EDIL3: variants seen among roughly 807,000 people sequenced by gnomAD.
The protein encoded by EDIL3 is EGF-like repeat and discoidin I-like domain-containing protein 3.
In EDIL3, 37 loss-of-function variants were observed where a neutral mutation model predicts 67.4. The observed-to-expected ratio is 0.55, with a 90% CI of 0.42 to 0.72. The LOEUF (loss-of-function observed/expected upper bound fraction) is 0.72. Ranked by LOEUF, EDIL3 falls within the 30% of genes least tolerant of loss-of-function variation. The probability of loss-of-function intolerance (pLI) is 0.00; values close to 1 mark genes in which losing one functional copy is unlikely to be tolerated. For synonymous variants in EDIL3, 195 were observed against 196.3 expected, an observed-to-expected ratio of 0.99 and a Z score of 0.05; for missense variants, 527 against 586.3, an observed-to-expected ratio of 0.90 and a Z score of 1.04.
At chr5:83,999,243 T>C (rs1561398261) in intron 9 of EDIL3, among the ~76,000 whole-genome samples, 1 of 152,126 alleles carries the variant, frequency 6.6e-6, no homozygotes, top group Non-Finnish European at 1.5e-5. Context: ...CAGAAATCGA[T>C]GAACATCCAC....
chr5:84,268,154 A>G (rs1434040859), intron 1 of EDIL3, among the ~76,000 whole-genome samples: 4 of 152,074 alleles, frequency 2.6e-5, no homozygotes, highest in African/African-American at 9.7e-5. Context: ...TAAATAAATA[A>G]ATAAATAAAT....
At chr5:84,005,011 C>T (rs1580275063) in intron 9 of EDIL3, among the ~76,000 whole-genome samples, 2 of 152,132 alleles carry the variant, frequency 1.3e-5, no homozygotes, top group South Asian at 4.1e-4. Context: ...GATGCCATTA[C>T]AATTGATTCC....
chr5:84,063,822 G>A lies in EDIL3; in HGVS notation c.952+878C>T, dbSNP rs1289395582. On this transcript the variant is annotated intron_variant, in intron 8 of 10. Transcript: ENST00000296591. ...TTACACTAAAAAGCGGAGCACACAC[G>A]CACTTTTAGTTTTCTTCACAGTTAT... Among the ~76,000 whole-genome samples the A allele has an allele frequency of 3.9e-5, 6 of 152,030 alleles. No homozygotes were observed. The East Asian group carries it at 5.8e-4, about 15-fold the overall frequency.
intron 4 of EDIL3, among the ~76,000 whole-genome samples, chr5:84,148,983 A>C (rs1189708567): frequency 6.6e-6 from 1 of 151,816 alleles, no homozygotes; most frequent in Non-Finnish European, 1.5e-5. Flanking sequence ...AAAAAAAAAA[A>C]AAAAAAAACC....
At chr5:84,263,276 T>G (rs1745272733) in intron 1 of EDIL3, among the ~76,000 whole-genome samples, 1 of 152,110 alleles carries the variant, frequency 6.6e-6, no homozygotes, top group African/African-American at 2.4e-5. Context: ...TGAGCACCAG[T>G]GTTGCACAGT....
chr5:84,032,830 GTTA>G (rs1308622149), intron 9 of EDIL3, among the ~76,000 whole-genome samples: 1 of 152,158 alleles, frequency 6.6e-6, no homozygotes, highest in Admixed American at 6.6e-5. Context: ...CCAATATGCT[GTTA>G]TGTTTCTCCC....
intron 1 of EDIL3, among the ~76,000 whole-genome samples, chr5:84,334,839 T>G (rs959478831): frequency 6.6e-6 from 1 of 152,220 alleles, no homozygotes; most frequent in Non-Finnish European, 1.5e-5. Flanking sequence ...TAAACATTGA[T>G]GAGCATTTAG....
At chr5:84,026,498 T>C (rs1745818921) in intron 9 of EDIL3, among the ~76,000 whole-genome samples, 1 of 152,188 alleles carries the variant, frequency 6.6e-6, no homozygotes, top group Non-Finnish European at 1.5e-5. Context: ...TTTTACTATT[T>C]AACCTTCTGC....
intron 9 of EDIL3, among the ~76,000 whole-genome samples, chr5:83,979,478 T>C (rs1441647861): frequency 6.6e-6 from 1 of 152,084 alleles, no homozygotes; most frequent in Admixed American, 6.6e-5. Flanking sequence ...CATTACTGTT[T>C]TAGCAAATAA....
rs79298340 is a variant in EDIL3 at position 84,044,295 on chromosome 5, C to A, written c.1137+16005G>T. Among the ~76,000 whole-genome samples the A allele has an allele frequency of 5.4e-4, 82 of 152,184 alleles. 1 individual carries two copies. Among genetic ancestry groups the A allele is most frequent in the African/African-American group, 1.8e-3 (74 of 41,518 alleles). On this transcript the variant is annotated intron_variant, in intron 9 of 10. Coordinates refer to ENST00000296591, the MANE Select transcript of EDIL3 (RefSeq NM_005711.5). ...AAACAACTCCCTTTCCTACAGGACT[C>A]TTAAGAGTCTTTACTATGTTAATAT... is the stretch of plus-strand genomic sequence containing the variant.
At chr5:84,270,728 T>C (rs1398057414) in intron 1 of EDIL3, among the ~76,000 whole-genome samples, 2 of 152,226 alleles carry the variant, frequency 1.3e-5, no homozygotes, top group Admixed American at 1.3e-4. Flanking sequence ...AATGCTACTA[T>C]TGTCACCATT....
At chr5:84,312,376 C>T (rs572240283) in intron 1 of EDIL3, among the ~76,000 whole-genome samples, 1,548 of 130,918 alleles carry the variant, frequency 0.012, 63 homozygotes, top group African/African-American at 0.044. Context: ...GCTGGCCGGG[C>T]GGGGGGCTGA....
chr5:84,356,969 G>C (rs1747501674), intron 1 of EDIL3, among the ~76,000 whole-genome samples: 1 of 124,690 alleles, frequency 8.0e-6, no homozygotes, highest in Non-Finnish European at 1.6e-5. Context: ...TCCTTGCCCA[G>C]GCTGGAGTAC....
chr5:84,358,173 G>C (rs1747526622), intron 1 of EDIL3, among the ~76,000 whole-genome samples: 2 of 152,188 alleles, frequency 1.3e-5, no homozygotes, highest in Non-Finnish European at 2.9e-5. Context: ...AATGGAGACA[G>C]TGAATTCTGA....
At chr5:84,331,718 A>C (rs1224461937) in intron 1 of EDIL3, among the ~76,000 whole-genome samples, 3 of 152,202 alleles carry the variant, frequency 2.0e-5, no homozygotes, top group Non-Finnish European at 4.4e-5. Flanking sequence ...AATATATTTT[A>C]TATGAATATT....
intron 9 of EDIL3, among the ~76,000 whole-genome samples, chr5:84,033,857 T>TCTC (rs1204555360): frequency 6.6e-6 from 1 of 152,108 alleles, no homozygotes; most frequent in African/African-American, 2.4e-5. Flanking sequence ...AAGTTAGTGA[T>TCTC]CTGGACTCTG....
chr5:83,949,628 C>T (rs1744371883), intron 10 of EDIL3, among the ~76,000 whole-genome samples: 1 of 151,812 alleles, frequency 6.6e-6, no homozygotes, highest in Non-Finnish European at 1.5e-5. Context: ...TGCTGACCAT[C>T]ATATCTTTTT....
At chr5:84,353,503 T>A (rs775897765) in intron 1 of EDIL3, among the ~76,000 whole-genome samples, 1 of 152,192 alleles carries the variant, frequency 6.6e-6, no homozygotes, top group African/African-American at 2.4e-5. Context: ...ACCAAAGATA[T>A]CTATGGTAAA....
chr5:84,368,552 C>T (rs950068321), intron 1 of EDIL3, among the ~76,000 whole-genome samples: 2 of 151,982 alleles, frequency 1.3e-5, no homozygotes, highest in Non-Finnish European at 2.9e-5. Flanking sequence ...GTAAAAATTT[C>T]ACAACATTAG....
Sources: gnomAD v4.1 joint callset for allele counts (sites outside exome capture counted in the v4.1 genomes callset) on GRCh38, gnomAD v4.1.1 for gene constraint, MANE v1.5 for transcripts, NCBI Gene and HGNC (gene_info 2026-07-23, HGNC 2026-07-21) for gene names.